Variants in ANK3 observed in about 807,000 individuals in gnomAD.
ANK3 encodes ankyrin 3.
Under a neutral mutation model 370.9 loss-of-function variants are expected in ANK3, and 57 were observed. The observed-to-expected ratio is 0.15, with a 90% CI of 0.12 to 0.19. ANK3 has a LOEUF of 0.19. Among genes scored for constraint, ANK3 ranks in the 10% least tolerant of loss-of-function variants. The pLI is 1.00. For synonymous variants in ANK3, 1,929 were observed against 1,946.3 expected, an observed-to-expected ratio of 0.99 and a Z score of 0.23; for missense variants, 4,439 against 5,302.1, an observed-to-expected ratio of 0.84 and a Z score of 5.06.
intron 2 of ANK3, among the ~76,000 whole-genome samples, chr10:60,586,283 T>C (rs4357640): frequency 0.69 from 105,049 of 151,934 alleles, 36,749 homozygotes; most frequent in South Asian, 0.88. Context: ...CAGGGAATTG[T>C]TCTCAGAGGG....
At chr10:60,332,265 G>A (rs1471418670) in intron 1 of ANK3, among the ~76,000 whole-genome samples, 3 of 152,150 alleles carry the variant, frequency 2.0e-5, no homozygotes, top group South Asian at 2.1e-4. Context: ...TATTCAGAAC[G>A]ACTAGCAATT....
chr10:60,246,407 G>A (rs2097557080), intron 7 of ANK3, among the ~76,000 whole-genome samples: 1 of 148,794 alleles, frequency 6.7e-6, no homozygotes, highest in African/African-American at 2.5e-5. Context: ...TTTGCTAACT[G>A]TTTGCTTATT....
intron 2 of ANK3, among the ~76,000 whole-genome samples, chr10:60,551,883 T>G (rs2077096015): frequency 6.6e-6 from 1 of 152,216 alleles, no homozygotes; most frequent in Admixed American, 6.5e-5. Flanking sequence ...ATCAATGCCT[T>G]GTTTCACATG....
intron 2 of ANK3, among the ~76,000 whole-genome samples, chr10:60,509,125 C>A (rs1190715474): frequency 1.4e-4 from 22 of 152,106 alleles, no homozygotes; most frequent in Admixed American, 1.3e-3. Flanking sequence ...CACTACCCTG[C>A]AGTTTTCTGC....
At chr10:60,086,918 A>ATT in intron 29 of ANK3, 34 bp from the exon 30 acceptor site, 3 of 1,244,418 alleles carry the variant, frequency 2.4e-6, no homozygotes, top group South Asian at 1.8e-5. Flanking sequence ...AATGAAAGTG[A>ATT]CTTTTTTTTT....
chr10:60,355,120 T>C (rs1021631499), intron 1 of ANK3, among the ~76,000 whole-genome samples: 1 of 152,192 alleles, frequency 6.6e-6, no homozygotes, highest in Non-Finnish European at 1.5e-5. Flanking sequence ...TTGTTAACAA[T>C]GTTTAATCCC....
chr10:60,585,269 C>T (rs1026406001), intron 2 of ANK3, among the ~76,000 whole-genome samples: 11 of 152,138 alleles, frequency 7.2e-5, no homozygotes, highest in Non-Finnish European at 1.5e-4. Flanking sequence ...ACTTGAAAGG[C>T]GGACTGCATG....
At chr10:60,364,293 CA>C (rs34623231) in intron 1 of ANK3, among the ~76,000 whole-genome samples, 90,165 of 135,716 alleles carry the variant, frequency 0.66, 28,488 homozygotes, top group South Asian at 0.77. Context: ...GACTCGGTCT[CA>C]AAAAAAAAAA....
intron 1 of ANK3, among the ~76,000 whole-genome samples, chr10:60,687,089 A>G (rs2133397418): frequency 6.6e-6 from 1 of 152,344 alleles, no homozygotes; most frequent in South Asian, 2.1e-4. Context: ...CTGGGCGTGT[A>G]GTAAACTATA....
chr10:60,455,278 G>A (rs2064718091), intron 2 of ANK3, among the ~76,000 whole-genome samples: 1 of 152,114 alleles, frequency 6.6e-6, no homozygotes, highest in Non-Finnish European at 1.5e-5. Flanking sequence ...AGCGCTGCAT[G>A]TTTTCTTTTT....
intron 2 of ANK3, among the ~76,000 whole-genome samples, chr10:60,552,012 CTTTG>C (rs370023214): frequency 2.0e-5 from 3 of 152,262 alleles, no homozygotes; most frequent in African/African-American, 7.2e-5. Context: ...CTCAAAGGAT[CTTTG>C]TTTGTTAACT....
intron 2 of ANK3, among the ~76,000 whole-genome samples, chr10:60,483,708 C>T (rs537712666): frequency 4.6e-5 from 7 of 152,200 alleles, no homozygotes; most frequent in South Asian, 4.2e-4. Context: ...AATGTTTTCT[C>T]GACCTCCCCC....
chr10:60,480,895 T>C (rs1200491204), intron 2 of ANK3, among the ~76,000 whole-genome samples: 1 of 152,192 alleles, frequency 6.6e-6, no homozygotes. Context: ...CTTTCATGCA[T>C]CATTATAGAT....
rs538382124 is a variant in ANK3 at position 60,027,224 on chromosome 10, T to C, written c.*2622A>G. On this transcript the variant is annotated 3_prime_UTR_variant, in exon 44 of 44. Coordinates refer to ENST00000280772, the MANE Select transcript of ANK3 (RefSeq NM_020987.5). The stretch of plus-strand genomic sequence containing the variant: ...GACTGAGTCAGAAATTCGTAACTCT[T>C]AGATAGGAAGTTAGGACACCTATAT... 1.3e-5 allele frequency: 2 copies of C among 151,552 alleles called. No individual in the cohort carries two copies. Among genetic ancestry groups the C allele is most frequent in the Non-Finnish European group, 2.9e-5 (2 of 67,916 alleles). The allele number at this position is 151,552 out of a possible 1,614,324, so 9.4% of individuals were successfully genotyped here.
At chr10:60,269,435 G>A (rs1211097453) in intron 5 of ANK3, among the ~76,000 whole-genome samples, 4 of 152,072 alleles carry the variant, frequency 2.6e-5, no homozygotes, top group Non-Finnish European at 5.9e-5. Flanking sequence ...CACGCGGTCA[G>A]GAGTTCAAGA....
chr10:60,269,985 T>C (rs1000841368), intron 5 of ANK3, 146 bp downstream of exon 5: 3 of 439,318 alleles, frequency 6.8e-6, no homozygotes, highest in Non-Finnish European at 8.1e-6. Context: ...AGTAGACTTA[T>C]AGTAATGTAT....
chr10:60,074,409 T>C lies in ANK3; in HGVS notation c.6472A>G (p.Ile2158Val). The C allele has an allele frequency of 6.2e-7, 1 of 1,614,072 alleles. No homozygotes were observed. Among genetic ancestry groups the C allele is most frequent in the Non-Finnish European group, 8.5e-7 (1 of 1,179,988 alleles). The part of the protein sequence containing the change: ...GPKPLFHEVP[I>V]PPVITETRTE... The stretch of plus-strand genomic sequence containing the variant: ...CTTGTTTCTGTAATGACAGGAGGGA[T>C]GGGAACTTCATGAAAAAGTGGTTTA... Residue 2158 changes from isoleucine to valine, a missense_variant, in exon 37 of 44, where the codon ATC becomes GTC. Coordinates refer to ENST00000280772, the MANE Select transcript of ANK3 (RefSeq NM_020987.5).
At chr10:60,042,852 A>G (rs889900175) in intron 42 of ANK3, 93 bp from the exon 43 acceptor site, 2 of 1,572,368 alleles carry the variant, frequency 1.3e-6, no homozygotes, top group Non-Finnish European at 8.6e-7. Flanking sequence ...GATTAGGACA[A>G]GCGAAACAGT....
At chr10:60,523,076 C>T (rs12412135) in intron 2 of ANK3, among the ~76,000 whole-genome samples, 14,718 of 152,016 alleles carry the variant, frequency 0.097, 1,270 homozygotes, top group East Asian at 0.31. Flanking sequence ...CATCACCTAA[C>T]GGTCCATTAA....
Sources: allele counts gnomAD v4.1 joint callset (sites outside exome capture counted in the v4.1 genomes callset), GRCh38; gene constraint gnomAD v4.1.1; transcripts MANE v1.5; gene names NCBI Gene and HGNC (gene_info 2026-07-23, HGNC 2026-07-21).